The following ATXN7 variants were observed in gnomAD, a reference collection of about 807,000 sequenced individuals.
The protein encoded by ATXN7 is ataxin 7.
Under a neutral mutation model 70.5 loss-of-function variants are expected in ATXN7, and 12 were observed. That is an observed-to-expected ratio of 0.17 (90% confidence interval 0.11 to 0.28). The LOEUF is 0.28. Among genes scored for constraint, ATXN7 ranks in the 10% least tolerant of loss-of-function variants. The pLI, the probability that ATXN7 is intolerant of heterozygous loss-of-function variation, is 1.00. For missense variants in ATXN7, 1,256 were observed against 1,131.7 expected (o/e 1.11, Z -1.58); for synonymous variants, 498 against 448.7 (o/e 1.11, Z -1.39).
At chr3:63,921,378 A>G (rs1245725944) in intron 4 of ATXN7, among the ~76,000 whole-genome samples, 1 of 152,206 alleles carries the variant, frequency 6.6e-6, no homozygotes, top group Non-Finnish European at 1.5e-5. Flanking sequence ...CAAACAAGAA[A>G]GTTTCAGAAA....
intron 4 of ATXN7, among the ~76,000 whole-genome samples, chr3:63,949,715 T>C (rs1050463293): frequency 2.0e-5 from 3 of 152,156 alleles, no homozygotes; most frequent in Non-Finnish European, 4.4e-5. Flanking sequence ...CTCAGTTTCA[T>C]AGGGTAGAAT....
chr3:63,970,853 C>T (rs894426348), intron 5 of ATXN7, among the ~76,000 whole-genome samples: 3 of 152,100 alleles, frequency 2.0e-5, no homozygotes, highest in Non-Finnish European at 2.9e-5. Flanking sequence ...TGCCCAGAGA[C>T]GTGGAAATGC....
chr3:63,980,778 G>A (rs2106755232), intron 6 of ATXN7: 1 of 152,974 alleles, frequency 6.5e-6, no homozygotes, highest in African/African-American at 2.4e-5. Context: ...AAAAGATGCA[G>A]AGATTCCCAG....
intron 10 of ATXN7, 109 bp downstream of exon 10, chr3:63,990,483 C>CA (rs2075652353): frequency 7.2e-7 from 1 of 1,388,574 alleles, no homozygotes; most frequent in African/African-American, 1.4e-5. Context: ...GGGACGCGGT[C>CA]AAGGTGTGAG....
chr3:63,975,467 C>A (rs1446242202), intron 5 of ATXN7, among the ~76,000 whole-genome samples: 2 of 152,138 alleles, frequency 1.3e-5, no homozygotes, highest in East Asian at 3.8e-4. Flanking sequence ...ATATATCCTT[C>A]TAGATTATTT....
At chr3:63,993,316 A>G (rs114239809) in intron 11 of ATXN7, among the ~76,000 whole-genome samples, 3,357 of 144,348 alleles carry the variant, frequency 0.023, 73 homozygotes, top group African/African-American at 0.058. Context: ...AAATGGTAAT[A>G]CAATCACTGG....
At chr3:63,979,531 G>A (rs1346137753) in intron 5 of ATXN7, among the ~76,000 whole-genome samples, 4 of 152,202 alleles carry the variant, frequency 2.6e-5, no homozygotes, top group Admixed American at 6.5e-5. Flanking sequence ...ATTGCTTGCA[G>A]TGTCATTTAG....
intron 8 of ATXN7, among the ~76,000 whole-genome samples, 179 bp from the exon 9 acceptor site, chr3:63,987,880 A>G (rs565039118): frequency 6.6e-6 from 1 of 152,238 alleles, no homozygotes; most frequent in African/African-American, 2.4e-5. Context: ...GTATGCTTCT[A>G]GTCTAGCTAG....
chr3:63,959,179 C>A (rs1446375274), intron 5 of ATXN7, among the ~76,000 whole-genome samples: 2 of 152,192 alleles, frequency 1.3e-5, no homozygotes, highest in Non-Finnish European at 2.9e-5. Context: ...AAGCCAAACT[C>A]CTCCTCTTTT....
chr3:63,966,989 A>C (rs1336640409), intron 5 of ATXN7, among the ~76,000 whole-genome samples: 1 of 152,114 alleles, frequency 6.6e-6, no homozygotes, highest in Non-Finnish European at 1.5e-5. Context: ...GAACTCTGTC[A>C]CCTGGGCTGG....
At position 63,995,743 on chromosome 3, in the gene ATXN7, A is replaced by G. The variant is rs201185294; in HGVS notation, c.1921A>G (p.Met641Val). 454 of 1,614,114 alleles carry G rather than the reference A, an allele frequency of 2.8e-4. 1 individual carries two copies. The highest frequency in any genetic ancestry group is 5.3e-5 in the Non-Finnish European group (63 of 1,180,048). ...AGGGGCGATGGATCCTGTGTGCAGT[A>G]TGCAATCCAGACAAGTGTCCTCTTC... ...ASGAMDPVCS[M>V]QSRQVSSSSS... Residue 641 changes from methionine (M) to valine (V), a missense_variant, in exon 12 of 13, where the codon ATG becomes GTG. Met to Val is a conservative substitution (Grantham distance 21). Coordinates refer to ENST00000674280, the MANE Select transcript of ATXN7 (RefSeq NM_001377405.1).
At chr3:63,996,665 A>C in intron 12 of ATXN7, 182 bp downstream of exon 12, 1 of 746,022 alleles carries the variant, frequency 1.3e-6, no homozygotes, top group Non-Finnish European at 2.1e-6. Flanking sequence ...ATGAAGGTAA[A>C]ACAGGCTCTT....
At chr3:63,924,593 A>G (rs1410834009) in intron 4 of ATXN7, among the ~76,000 whole-genome samples, 1 of 152,142 alleles carries the variant, frequency 6.6e-6, no homozygotes, top group Non-Finnish European at 1.5e-5. Flanking sequence ...AGAGAGAAGA[A>G]CATGCTTTAA....
At chr3:63,988,774 G>A (rs2075619141) in intron 9 of ATXN7, among the ~76,000 whole-genome samples, 1 of 152,086 alleles carries the variant, frequency 6.6e-6, no homozygotes, top group South Asian at 2.1e-4. Context: ...CATTCATTTG[G>A]GGCTTTGGCC....
chr3:63,924,563 T>G (rs1052234478), intron 4 of ATXN7, among the ~76,000 whole-genome samples: 2 of 152,108 alleles, frequency 1.3e-5, no homozygotes, highest in African/African-American at 4.8e-5. Context: ...CAGATGAGTG[T>G]GATGGTGGTG....
chr3:63,982,507 A>G, intron 7 of ATXN7, 62 bp downstream of exon 7: 1 of 1,391,358 alleles, frequency 7.2e-7, no homozygotes, highest in South Asian at 1.3e-5. Flanking sequence ...ATTCGTGGGG[A>G]GCAAATCAAC....
At chr3:63,909,877 C>T (rs1328465553) in intron 2 of ATXN7, among the ~76,000 whole-genome samples, 1 of 152,106 alleles carries the variant, frequency 6.6e-6, no homozygotes, top group Non-Finnish European at 1.5e-5. Context: ...AGCTGAATTG[C>T]TCAGTTTAAT....
rs1188668153 is a variant in ATXN7 at position 63,978,353 on chromosome 3, C to T, written c.500-1562C>T. 2.0e-5 allele frequency among the ~76,000 whole-genome samples: 3 copies of T among 152,244 alleles called. No individual in the cohort carries two copies. The East Asian group carries it at 5.8e-4, about 29-fold the overall frequency. On this transcript the variant is annotated intron_variant, in intron 5 of 12. Transcript: ENST00000674280. The stretch of plus-strand genomic sequence containing the variant: ...CAGAAGTTAATTGAAGACCTCTGTC[C>T]CATGCCTTACAGAGAAAGACAATGG...
chr3:63,887,683 T>G (rs891183313), intron 1 of ATXN7, among the ~76,000 whole-genome samples: 12 of 152,132 alleles, frequency 7.9e-5, no homozygotes, highest in African/African-American at 2.9e-4. Context: ...CCTCCCAGGC[T>G]CAAGTGATCC....
Sources: gnomAD v4.1 joint callset for allele counts (sites outside exome capture counted in the v4.1 genomes callset) on GRCh38, gnomAD v4.1.1 for gene constraint, MANE v1.5 for transcripts, NCBI Gene and HGNC (gene_info 2026-07-23, HGNC 2026-07-21) for gene names.